HMGCS2: variants seen among roughly 807,000 people sequenced by gnomAD.
HMGCS2 encodes the protein 3-hydroxy-3-methylglutaryl-CoA synthase 2.
HMGCS2 carries 50 observed loss-of-function variants against 57.4 expected under a neutral mutation model. The ratio of observed to expected loss-of-function variants is 0.87; its 90% CI spans 0.69 to 1.10. HMGCS2 has a LOEUF of 1.10. Among genes scored for constraint, HMGCS2 ranks in the 50% least tolerant of loss-of-function variants. HMGCS2 has a pLI of 0.00. For synonymous variants in HMGCS2, 254 were observed against 245.1 expected (o/e 1.04, Z -0.34); for missense variants, 627 against 636.5 (o/e 0.99, Z 0.16).
intron 5 of HMGCS2, 67 bp from the exon 6 acceptor site, chr1:119,755,664 A>G: frequency 6.9e-7 from 1 of 1,456,490 alleles, no homozygotes; most frequent in Non-Finnish European, 9.6e-7. Context: ...AAGGGGGAAA[A>G]GTAACAGCTT....
At chr1:119,755,360 C>T (rs1240429689) in intron 6 of HMGCS2, 67 bp downstream of exon 6, 3 of 1,497,784 alleles carry the variant, frequency 2.0e-6, no homozygotes, top group Non-Finnish European at 1.9e-6. Context: ...CTTTGTTGAC[C>T]CTGCAGCCCA....
chr1:119,749,377 T>C (rs1367955301), intron 9 of HMGCS2, among the ~76,000 whole-genome samples: 2 of 138,842 alleles, frequency 1.4e-5, no homozygotes, highest in Admixed American at 7.5e-5. Flanking sequence ...CTCCCCAACC[T>C]CTCTCTCTCC....
chr1:119,750,895 T>C lies in HMGCS2; in HGVS notation c.1434A>G (p.Pro478=). The part of the protein sequence containing the change: ...EQFYHKVNFS[P]PGDTNSLFPG... Reference sequence around the variant, plus strand: ...GGAAAAGGCTGTTTGTGTCACCAGGTGGGGAGAAATTCACTGTGGAATGAG... The same window carrying C: ...GGAAAAGGCTGTTTGTGTCACCAGGCGGGGAGAAATTCACTGTGGAATGAG... Residue 478 remains proline (P), a synonymous_variant, in exon 9 of 10, where the codon CCA becomes CCG. Transcript: ENST00000369406. 6.2e-7 allele frequency: 1 copy of C among 1,608,690 alleles called. No homozygotes were observed. The highest frequency in any genetic ancestry group is 8.5e-7 in the Non-Finnish European group (1 of 1,175,206).
chr1:119,753,692 C>A (rs942346570), intron 6 of HMGCS2, among the ~76,000 whole-genome samples: 4 of 152,108 alleles, frequency 2.6e-5, no homozygotes, highest in Admixed American at 6.6e-5. Context: ...TAGAGCTTCT[C>A]CCCTCTCATG....
intron 6 of HMGCS2, 51 bp from the exon 7 acceptor site, chr1:119,753,437 A>C: frequency 1.2e-6 from 1 of 823,366 alleles, no homozygotes; most frequent in Non-Finnish European, 2.1e-6. Flanking sequence ...ACACACACAC[A>C]CACACACACA....
At chr1:119,763,119 C>A (rs1284999497) in intron 2 of HMGCS2, among the ~76,000 whole-genome samples, 1 of 152,022 alleles carries the variant, frequency 6.6e-6, no homozygotes, top group Non-Finnish European at 1.5e-5. Flanking sequence ...AATGATGGAG[C>A]CAGGTAGGGC....
chr1:119,759,249 T>A lies in HMGCS2; in HGVS notation c.719A>T (p.Asp240Val), dbSNP rs762211049. ...CGAGGCCAAATTTGGTTTGTAGAAG[T>A]CATACACATTCTCCATATGGGTTCC... ...LRGTHMENVY[D>V]FYKPNLASEY... The change falls in exon 4 of 10, where the codon GAC (aspartate) becomes GTC (valine). Residue 240 changes from aspartate to valine, a missense_variant. Transcript: ENST00000369406. 4 of 1,614,042 alleles carry A rather than the reference T, an allele frequency of 2.5e-6. No individual in the cohort carries two copies. Among genetic ancestry groups the A allele is most frequent in the Non-Finnish European group, 3.4e-6 (4 of 1,179,926 alleles).
intron 7 of HMGCS2, 82 bp from the exon 8 acceptor site, chr1:119,752,756 G>A: frequency 6.5e-7 from 1 of 1,527,624 alleles, no homozygotes; most frequent in Non-Finnish European, 9.1e-7. Flanking sequence ...AGAGAGCCAG[G>A]TTCTGTGGGA....
chr1:119,760,161 G>T (rs1186519763), intron 2 of HMGCS2, among the ~76,000 whole-genome samples, 172 bp from the exon 3 acceptor site: 1 of 152,182 alleles, frequency 6.6e-6, no homozygotes, highest in African/African-American at 2.4e-5. Context: ...CATTTGAAAT[G>T]TAAAGTCAAA....
chr1:119,759,482 T>A (rs1232050611), intron 3 of HMGCS2, 200 bp from the exon 4 acceptor site: 2 of 637,216 alleles, frequency 3.1e-6, no homozygotes, highest in Admixed American at 2.5e-5. Context: ...TATATTTCCC[T>A]TTCCTCACCT....
chr1:119,756,620 T>C (rs587627682), intron 5 of HMGCS2, among the ~76,000 whole-genome samples: 1 of 152,330 alleles, frequency 6.6e-6, no homozygotes, highest in Admixed American at 6.5e-5. Flanking sequence ...ATTGAAGACA[T>C]TTCTTTGTAA....
In HMGCS2 at chr1:119,759,162, C is replaced by T; in HGVS notation, c.806G>A (p.Cys269Tyr). 6.2e-7 allele frequency: 1 copy of T among 1,614,182 alleles called. No individual in the cohort carries two copies. Among genetic ancestry groups the T allele is most frequent in the South Asian group, 1.1e-5 (1 of 91,088 alleles). Residue 269 changes from cysteine to tyrosine, a missense_variant, in exon 4 of 10, where the codon TGT (cysteine) becomes TAT (tyrosine). Transcript: ENST00000369406. ...IQCYLRALDR[C>Y]YTSYRKKIQN... ...GATTTTTTTACGGTATGATGTGTAA[C>T]ATCGATCCAAGGCCCGCAAGTAGCA...
At chr1:119,749,875 T>C (rs1177008356) in intron 9 of HMGCS2, among the ~76,000 whole-genome samples, 1 of 152,236 alleles carries the variant, frequency 6.6e-6, no homozygotes, top group Admixed American at 6.5e-5. Context: ...ATTTATGGGT[T>C]GTAAAATAAA....
At chr1:119,757,479 G>A in intron 4 of HMGCS2, 41 bp from the exon 5 acceptor site, 2 of 1,613,820 alleles carry the variant, frequency 1.2e-6, no homozygotes, top group Non-Finnish European at 1.7e-6. Flanking sequence ...GGCATGAGGG[G>A]CGAGCCATTT....
At position 119,759,274 on chromosome 1, in the gene HMGCS2, C is replaced by A; in HGVS notation, c.694G>T (p.Gly232Ter). The A allele has an allele frequency of 6.2e-7, 1 of 1,613,818 alleles. No homozygotes were observed. Among genetic ancestry groups the A allele is most frequent in the Non-Finnish European group, 8.5e-7 (1 of 1,179,866 alleles). ...TCATACACATTCTCCATATGGGTTC[C>A]CCTCAGCCCTGGAAAGGCACACAAA... ...APLALERGLR[G>*]THMENVYDFY... Residue 232 changes from glycine to a stop codon, truncating the protein, a stop_gained, in exon 4 of 10, where the codon GGA (glycine) becomes TGA (stop). Transcript: ENST00000369406. LOFTEE classifies it high-confidence loss of function.
intron 9 of HMGCS2, among the ~76,000 whole-genome samples, chr1:119,749,305 C>T (rs966630272): frequency 2.0e-5 from 3 of 151,918 alleles, no homozygotes; most frequent in African/African-American, 7.3e-5. Context: ...GGGAGGCTGA[C>T]GTGGAAATTC....
chr1:119,752,781 G>C lies in HMGCS2; in HGVS notation c.1295-107C>G, dbSNP rs1652706851. The C allele has an allele frequency of 2.4e-6, 3 of 1,262,460 alleles. No individual in the cohort carries two copies. In the East Asian group the frequency reaches 7.0e-5, roughly 29 times the overall value. 78.2% of individuals were successfully genotyped at this position (1,262,460 alleles called of 1,614,324 possible). A position where few individuals can be genotyped will look rare whatever the true frequency, so the allele number is the denominator to read the frequency against. On this transcript the variant is annotated intron_variant, in intron 7 of 9. Transcript: ENST00000369406. ...GTTCTGTGGGAGGTTACACCCTGGA[G>C]GAACGTGTGGTGTGTGTGGCTTAGA...
intron 1 of HMGCS2, among the ~76,000 whole-genome samples, chr1:119,766,623 A>C (rs1176668421): frequency 6.6e-6 from 1 of 152,188 alleles, no homozygotes; most frequent in Non-Finnish European, 1.5e-5. Flanking sequence ...TGTACTCTCA[A>C]ATATTTACGG....
Position 119,753,637 on chromosome 1 carries a change from A to G in HMGCS2, c.1188-251T>C, listed in dbSNP as rs150665087. 5.3e-5 allele frequency among the ~76,000 whole-genome samples: 8 copies of G among 152,204 alleles called. No homozygotes were observed. In the East Asian group the frequency reaches 1.2e-3, roughly 22 times the overall value. ...GCCAAAAGGAAAGCAGCTAATATCCAAGATATATAAGGCAGAGAAAACACA... is the reference window on the plus strand; with the variant it reads ...GCCAAAAGGAAAGCAGCTAATATCCGAGATATATAAGGCAGAGAAAACACA... On this transcript the variant is annotated intron_variant, in intron 6 of 9. Transcript: ENST00000369406.
Sources: allele counts gnomAD v4.1 joint callset (sites outside exome capture counted in the v4.1 genomes callset), GRCh38; gene constraint gnomAD v4.1.1; transcripts MANE v1.5; gene names NCBI Gene and HGNC (gene_info 2026-07-23, HGNC 2026-07-21).